Variants in NMRAL1 observed in about 807,000 individuals in gnomAD.
NMRAL1 encodes nmrA-like family domain-containing protein 1.
Under a neutral mutation model 27.5 loss-of-function variants are expected in NMRAL1, and 32 were observed. The observed-to-expected ratio is 1.16, with a 90% confidence interval of 0.88 to 1.56. The LOEUF is 1.56. NMRAL1 is among the 40% of genes most tolerant of loss of function. The pLI is 0.00. For missense variants in NMRAL1, 420 were observed against 392.0 expected, an observed-to-expected ratio of 1.07 and a Z score of -0.60; for synonymous variants, 166 against 166.8, an observed-to-expected ratio of 1.00 and a Z score of 0.04.
upstream of NMRAL1, chr16:4,474,918 G>A (rs1381242741): frequency 1.3e-5 from 2 of 152,120 alleles, no homozygotes; most frequent in African/African-American, 4.8e-5. Flanking sequence ...TTGTCCGCTT[G>A]ATATTTTCTT....
chr16:4,465,840 G>A (rs941514400), intron 4 of NMRAL1, among the ~76,000 whole-genome samples: 3 of 152,152 alleles, frequency 2.0e-5, no homozygotes, highest in Admixed American at 6.5e-5. Flanking sequence ...ACAGCGCCCG[G>A]CCCTCCTCAT....
At chr16:4,470,633 GA>G in intron 2 of NMRAL1, among the ~76,000 whole-genome samples, 1 of 151,904 alleles carries the variant, frequency 6.6e-6, no homozygotes, top group South Asian at 2.1e-4. Context: ...CCAAGATGGT[GA>G]AACCCCGTCT....
rs139318444 is a variant in NMRAL1 at position 4,469,666 on chromosome 16, G to A, written c.41-201C>T. On this transcript the variant is annotated intron_variant, in intron 2 of 5. Transcript: ENST00000283429. ...ACTCTATCACCCAGGCTGAAGTGCA[G>A]TGGCACGATCTTGGCTTGGTGAAAC... The A allele has an allele frequency of 2.1e-3, 2,403 of 1,131,074 alleles. 37 individuals are homozygous for A. The African/African-American group carries it at 0.034, about 16-fold the overall frequency. 70.1% of individuals were successfully genotyped at this position (1,131,074 alleles called of 1,614,324 possible).
chr16:4,464,500 C>T (rs2057238091), intron 4 of NMRAL1, among the ~76,000 whole-genome samples: 1 of 151,246 alleles, frequency 6.6e-6, no homozygotes, highest in African/African-American at 2.5e-5. Flanking sequence ...ATGCTTGGGT[C>T]CTATCCTCCT....
chr16:4,465,424 T>A (rs2057284368), intron 4 of NMRAL1, among the ~76,000 whole-genome samples: 4 of 152,194 alleles, frequency 2.6e-5, no homozygotes. Flanking sequence ...TGAGCCTTGT[T>A]CCCAGCCAGG....
At chr16:4,474,008 C>T (rs1055464819) in intron 2 of NMRAL1, 85 bp downstream of exon 2, 4 of 1,066,206 alleles carry the variant, frequency 3.8e-6, no homozygotes, top group Non-Finnish European at 5.7e-6. Flanking sequence ...AGTGACCTTA[C>T]CCCTCCCTGC....
chr16:4,473,977 C>G, intron 2 of NMRAL1, 116 bp downstream of exon 2: 1 of 746,796 alleles, frequency 1.3e-6, no homozygotes, highest in Non-Finnish European at 2.3e-6. Context: ...GACCACAGCC[C>G]CAACCTGGGT....
At chr16:4,470,262 G>C (rs1490825821) in intron 2 of NMRAL1, among the ~76,000 whole-genome samples, 1 of 150,932 alleles carries the variant, frequency 6.6e-6, no homozygotes, top group Non-Finnish European at 1.5e-5. Flanking sequence ...CTGAAGTTGG[G>C]AGTTTGAGAA....
At chr16:4,470,953 A>T (rs1268163302) in intron 2 of NMRAL1, among the ~76,000 whole-genome samples, 4 of 151,450 alleles carry the variant, frequency 2.6e-5, no homozygotes, top group African/African-American at 7.3e-5. Flanking sequence ...TCTCAAAAAA[A>T]AAAAAAAATT....
chr16:4,462,302 A>C (rs1405801914), intron 5 of NMRAL1, among the ~76,000 whole-genome samples: 1 of 151,878 alleles, frequency 6.6e-6, no homozygotes, highest in Non-Finnish European at 1.5e-5. Flanking sequence ...AACACGATAA[A>C]ACCCCGTCTC....
intron 3 of NMRAL1, among the ~76,000 whole-genome samples, chr16:4,468,297 G>A (rs1276672844): frequency 6.6e-6 from 1 of 151,594 alleles, no homozygotes; most frequent in Non-Finnish European, 1.5e-5. Context: ...AGCGAAACTC[G>A]GCCTCAAAAA....
At chr16:4,468,150 A>T (rs930938232) in intron 3 of NMRAL1, among the ~76,000 whole-genome samples, 2 of 151,890 alleles carry the variant, frequency 1.3e-5, no homozygotes, top group Non-Finnish European at 2.9e-5. Context: ...AAATACAAAA[A>T]AATTACCAGG....
At chr16:4,473,388 T>C (rs77430528) in intron 2 of NMRAL1, among the ~76,000 whole-genome samples, 11,460 of 152,134 alleles carry the variant, frequency 0.075, 704 homozygotes, top group African/African-American at 0.16. Flanking sequence ...GATTGTATAG[T>C]ACGTGAATTA....
chr16:4,474,785 G>A (rs2057768404), upstream of NMRAL1: 1 of 152,348 alleles, frequency 6.6e-6, no homozygotes, highest in South Asian at 2.1e-4. Context: ...GGATGCTACG[G>A]GTGATGACTG....
At position 4,474,135 on chromosome 16, in the gene NMRAL1, G is replaced by A; in HGVS notation, c.-3C>T. ...ACCACCAGTTTCTTGTCCACCATGA[G>A]GACGAGAATGGGACGAATCCGGTCC... On this transcript the variant is annotated 5_prime_UTR_variant, in exon 2 of 6. Transcript: ENST00000283429. 6.2e-7 allele frequency: 1 copy of A among 1,611,456 alleles called. No individual in the cohort carries two copies.
At chr16:4,467,341 C>A (rs1301590836) in intron 3 of NMRAL1, among the ~76,000 whole-genome samples, 6 of 152,134 alleles carry the variant, frequency 3.9e-5, no homozygotes, top group African/African-American at 1.4e-4. Context: ...TCAAGCAATT[C>A]TCCTGCCTCA....
At chr16:4,474,438 T>G in intron 1 of NMRAL1, 116 bp downstream of exon 1, 2 of 397,848 alleles carry the variant, frequency 5.0e-6, no homozygotes, top group Non-Finnish European at 4.6e-6. Context: ...CGCCGCGGCC[T>G]GGGCGGGACA....
At chr16:4,468,618 A>T (rs1034015814) in intron 3 of NMRAL1, among the ~76,000 whole-genome samples, 1 of 27,536 alleles carries the variant, frequency 3.6e-5, no homozygotes, top group African/African-American at 6.7e-5. Flanking sequence ...TCAGTCTCAA[A>T]AAAAAAAAAA....
chr16:4,463,312 A>T, intron 5 of NMRAL1: 6 of 346,858 alleles, frequency 1.7e-5, no homozygotes, highest in Non-Finnish European at 2.6e-5. Context: ...TTCCCTTTAA[A>T]TCCCCTCCCA....
Sources: allele counts gnomAD v4.1 joint callset (sites outside exome capture counted in the v4.1 genomes callset), GRCh38; gene constraint gnomAD v4.1.1; transcripts MANE v1.5; gene names NCBI Gene and HGNC (gene_info 2026-07-23, HGNC 2026-07-21).